Variants in HECTD3 observed in about 807,000 individuals in gnomAD.
HECTD3 encodes E3 ubiquitin-protein ligase HECTD3.
In HECTD3, 72 loss-of-function variants were observed where a neutral mutation model predicts 109.3. That is an observed-to-expected ratio of 0.66 (90% CI 0.54 to 0.80). The LOEUF is 0.80. Among genes scored for constraint, HECTD3 ranks in the 30% least tolerant of loss-of-function variants. The pLI is 0.00. For synonymous variants in HECTD3, 481 were observed against 471.8 expected (o/e 1.02, Z -0.25); for missense variants, 1,041 against 1,165.2 (o/e 0.89, Z 1.55).
At chr1:45,010,732 A>G (rs771372035) in intron 1 of HECTD3, 26 bp from the exon 2 acceptor site, 1 of 1,528,298 alleles carries the variant, frequency 6.5e-7, no homozygotes, top group Non-Finnish European at 8.7e-7. Context: ...GGATGGGGAC[A>G]GCCGTCAGGG....
Position 45,010,053 on chromosome 1 carries a change from C to T in HECTD3, c.692G>A (p.Gly231Asp). The T allele has an allele frequency of 6.4e-7, 1 of 1,569,774 alleles. No homozygotes were observed. Among genetic ancestry groups the T allele is most frequent in the Middle Eastern group, 1.7e-4 (1 of 5,842 alleles). The change falls in exon 4 of 21, where the codon GGC becomes GAC. Residue 231 changes from glycine to aspartate, a missense_variant. Coordinates refer to ENST00000372172, the MANE Select transcript of HECTD3 (RefSeq NM_024602.6). The part of the protein sequence containing the change: ...DLIHFLYDHL[G>D]KEDENLGSVK... ...GCTACCCAGGTTCTCATCCTCCTTG[C>T]CCAGGTGGTCATACAAGAAGTGGAT... is the stretch of plus-strand genomic sequence containing the variant.
In HECTD3 at chr1:45,010,681, T is replaced by A; in HGVS notation, c.395A>T (p.Asp132Val). 6.4e-7 allele frequency: 1 copy of A among 1,569,800 alleles called. No homozygotes were observed. Among genetic ancestry groups the A allele is most frequent in the Non-Finnish European group, 8.6e-7 (1 of 1,162,786 alleles). The change falls in exon 2 of 21, where the codon GAC becomes GTC. Residue 132 changes from aspartate to valine, a missense_variant. Transcript: ENST00000372172. The stretch of plus-strand genomic sequence containing the variant: ...CAGCCAGCCTTCCTGCAGCCCGCAG[T>A]CGCCCAGGTGCTCTGCCAGCTGCTC... ...TKEQLAEHLG[D>V]CGLQEGWLLV...
intron 11 of HECTD3, 39 bp from the exon 12 acceptor site, chr1:45,007,054 C>T: frequency 1.9e-6 from 3 of 1,609,098 alleles, no homozygotes; most frequent in Non-Finnish European, 2.6e-6. Context: ...TATGTGGGGC[C>T]AGGTGCAGCA....
chr1:45,008,122 T>C, intron 9 of HECTD3, 118 bp downstream of exon 9: 2 of 759,530 alleles, frequency 2.6e-6, no homozygotes, highest in East Asian at 2.6e-5. Context: ...CTTCCTATGT[T>C]CCCAGACCCA....
intron 17 of HECTD3, 26 bp downstream of exon 17, chr1:45,004,222 G>C (rs754881102): frequency 1.1e-5 from 17 of 1,613,826 alleles, no homozygotes; most frequent in Non-Finnish European, 1.4e-5. Context: ...GTGCTGCCCT[G>C]CCCTGCCCTG....
In HECTD3 at chr1:45,003,609, A is replaced by G. The variant is rs1320700772; in HGVS notation, c.2502-33T>C. ...AATGGGGACTTGGTCAGGTCCCTAC[A>G]TCGCTACCAGGGGTGATGGGGTCCC... On this transcript the variant is annotated intron_variant, in intron 20 of 20. Coordinates refer to ENST00000372172, the MANE Select transcript of HECTD3 (RefSeq NM_024602.6). This position sits in a 1 kb window ranked among gnomAD's most constrained non-coding sequence, Gnocchi z 4.7. 2 of 1,613,396 alleles carry G rather than the reference A, an allele frequency of 1.2e-6. No homozygotes were observed. The highest frequency in any genetic ancestry group is 1.7e-5 in the Admixed American group (1 of 60,014).
chr1:45,004,191 C>T (rs1264443372), intron 17 of HECTD3, 57 bp from the exon 18 acceptor site: 2 of 1,613,966 alleles, frequency 1.2e-6, no homozygotes, highest in South Asian at 1.1e-5. Flanking sequence ...AGTCCTTGAG[C>T]CCCAACCCCT....
intron 17 of HECTD3, 35 bp downstream of exon 17, chr1:45,004,213 T>TGCTGC (rs1397671755): frequency 6.2e-7 from 1 of 1,613,840 alleles, no homozygotes; most frequent in Admixed American, 1.7e-5. Context: ...TGCTGTGCTG[T>TGCTGC]GCTGCCCTGC....
chr1:45,010,156 C>T lies in HECTD3; in HGVS notation c.624-35G>A. 3 of 1,613,888 alleles carry T rather than the reference C, an allele frequency of 1.9e-6. No individual in the cohort carries two copies. In the South Asian group the frequency reaches 3.3e-5, roughly 18 times the overall value. ...CCCAAGCCCCTAATTAGACTGGGCC[C>T]AGACGCAGAGCTCCTTCCTCCCCAC... On this transcript the variant is annotated intron_variant, in intron 3 of 20. Transcript: ENST00000372172.
rs1159378115 is a variant in HECTD3 at position 45,006,244 on chromosome 1, C to T, written c.1726-128G>A. 2 of 1,195,836 alleles carry T rather than the reference C, an allele frequency of 1.7e-6. No individual in the cohort carries two copies. The highest frequency in any genetic ancestry group is 2.4e-6 in the Non-Finnish European group (2 of 837,818). 74.1% of individuals were successfully genotyped at this position (1,195,836 alleles called of 1,614,324 possible). On this transcript the variant is annotated intron_variant, in intron 13 of 20. Transcript: ENST00000372172. This position sits in a 1 kb window ranked among gnomAD's most constrained non-coding sequence, Gnocchi z 4.7. ...TGATCCCTTCAAATGCACAGTGGCT[C>T]CTCCTCTCCCTGTCTGCCCAGAGGT... is the stretch of plus-strand genomic sequence containing the variant.
chr1:45,008,422 T>C, intron 8 of HECTD3, 101 bp from the exon 9 acceptor site: 1 of 1,488,758 alleles, frequency 6.7e-7, no homozygotes, highest in Non-Finnish European at 9.4e-7. Context: ...CCTGGGGGCT[T>C]CTCTGACCCT....
In HECTD3 at chr1:45,003,424, G is replaced by T; in HGVS notation, c.*68C>A. ...TCAGCCAAACCAGGGCAGGGAAGGT[G>T]TCTTCGCCCTGGGCAAGGCCAAGAG... On this transcript the variant is annotated 3_prime_UTR_variant, in exon 21 of 21. Transcript: ENST00000372172. This position sits in a 1 kb window ranked among gnomAD's most constrained non-coding sequence, Gnocchi z 4.7. 1 of 1,407,510 alleles carries T rather than the reference G, an allele frequency of 7.1e-7. No individual in the cohort carries two copies. Among genetic ancestry groups the T allele is most frequent in the Non-Finnish European group, 1.0e-6 (1 of 995,320 alleles). The allele number at this position is 1,407,510 out of a possible 1,614,324, so 87.2% of individuals were successfully genotyped here.
intron 15 of HECTD3, 86 bp from the exon 16 acceptor site, chr1:45,004,892 A>T: frequency 8.0e-7 from 1 of 1,253,788 alleles, no homozygotes; most frequent in Non-Finnish European, 1.2e-6. Flanking sequence ...AGGGAAGCAG[A>T]GACAGCCAGG....
At chr1:45,005,400 A>C in intron 15 of HECTD3, 2 of 202,674 alleles carry the variant, frequency 9.9e-6, no homozygotes, top group Non-Finnish European at 1.0e-5. Flanking sequence ...ACAGAGGAAG[A>C]CTTAAGAATA....
At position 45,004,383 on chromosome 1, in the gene HECTD3, G is replaced by A. The variant is rs1484400504; in HGVS notation, c.2143-6C>T. ...CCTGCCTGCATAGCTGCCACCTGGGGAGTGGGTAAAAAGGCTTGGCTGGGG... is the reference window on the plus strand; with the variant it reads ...CCTGCCTGCATAGCTGCCACCTGGGAAGTGGGTAAAAAGGCTTGGCTGGGG... On this transcript the variant is annotated splice_region_variant and splice_polypyrimidine_tract_variant and intron_variant, in intron 16 of 20. Coordinates refer to ENST00000372172, the MANE Select transcript of HECTD3 (RefSeq NM_024602.6). 1 of 1,614,052 alleles carries A rather than the reference G, an allele frequency of 6.2e-7. No homozygotes were observed. Among genetic ancestry groups the A allele is most frequent in the Non-Finnish European group, 8.5e-7 (1 of 1,179,982 alleles).
In HECTD3 at chr1:45,010,965, A is replaced by T; in HGVS notation, c.293T>A (p.Leu98His). The T allele has an allele frequency of 1.3e-6, 2 of 1,527,134 alleles. No homozygotes were observed. The highest frequency in any genetic ancestry group is 2.4e-5 in the South Asian group (2 of 82,338). 94.6% of individuals were successfully genotyped at this position (1,527,134 alleles called of 1,614,324 possible). A position where few individuals can be genotyped will look rare whatever the true frequency, so the allele number is the denominator to read the frequency against. ...PLRAARDSIE[L>H]RRGACVRTTG... ...GGTGCGCACGCAGGCGCCGCGCCGG[A>T]GCTCAATGCTGTCGCGGGCGGCGCG... The change falls in exon 1 of 21, where the codon CTC (leucine) becomes CAC (histidine). Residue 98 changes from leucine to histidine, a missense_variant. Coordinates refer to ENST00000372172, the MANE Select transcript of HECTD3 (RefSeq NM_024602.6).
At chr1:45,004,022 G>C (rs1644712857) in intron 18 of HECTD3, 38 bp downstream of exon 18, 1 of 1,613,340 alleles carries the variant, frequency 6.2e-7, no homozygotes, top group Admixed American at 1.7e-5. Flanking sequence ...CAGCAGCAGA[G>C]TCCAAACCCA....
In HECTD3 at chr1:45,004,382, G is replaced by A. The variant is rs1246544372; in HGVS notation, c.2143-5C>T. The A allele has an allele frequency of 2.5e-6, 4 of 1,613,936 alleles. No individual in the cohort carries two copies. In the African/African-American group the frequency reaches 5.3e-5, roughly 22 times the overall value. The stretch of plus-strand genomic sequence containing the variant: ...ACCTGCCTGCATAGCTGCCACCTGG[G>A]GAGTGGGTAAAAAGGCTTGGCTGGG... On this transcript the variant is annotated splice_region_variant and splice_polypyrimidine_tract_variant and intron_variant, in intron 16 of 20. Coordinates refer to ENST00000372172, the MANE Select transcript of HECTD3 (RefSeq NM_024602.6).
At position 45,006,863 on chromosome 1, in the gene HECTD3, T is replaced by TCC. The variant is rs1644740291; in HGVS notation, c.1622-70_1622-69dup. On this transcript the variant is annotated intron_variant, in intron 12 of 20. Coordinates refer to ENST00000372172, the MANE Select transcript of HECTD3 (RefSeq NM_024602.6). This position sits in a 1 kb window ranked among gnomAD's most constrained non-coding sequence, Gnocchi z 4.7. ...CTCCCATAATGGGGTAATGAATAGG[T>TCC]CCCCCATCATCATTAGCTGGTGAAA... The TCC allele has an allele frequency of 6.3e-7, 1 of 1,577,942 alleles. No homozygotes were observed. The highest frequency in any genetic ancestry group is 8.7e-7 in the Non-Finnish European group (1 of 1,147,868).
Sources: gnomAD v4.1 joint callset for allele counts on GRCh38, gnomAD v4.1.1 for gene constraint, Gnocchi (gnomAD v3.1) non-coding constraint, MANE v1.5 for transcripts, NCBI Gene and HGNC (gene_info 2026-07-23, HGNC 2026-07-21) for gene names.